The following CCSER2 variants were observed in gnomAD, a reference collection of about 807,000 sequenced individuals.
CCSER2 encodes serine-rich coiled-coil domain-containing protein 2.
A neutral mutation model predicts 92.3 loss-of-function variants in CCSER2; 46 were observed. That is an observed-to-expected ratio of 0.50 (90% CI 0.39 to 0.64). The LOEUF is 0.64. CCSER2 is among the 30% of genes least tolerant of loss of function. The pLI is 0.00. For synonymous variants in CCSER2, 433 were observed against 431.4 expected, an observed-to-expected ratio of 1.00 and a Z score of -0.04; for missense variants, 1,244 against 1,238.9, an observed-to-expected ratio of 1.00 and a Z score of -0.06.
intron 5 of CCSER2, among the ~76,000 whole-genome samples, chr10:84,430,866 C>T (rs4933324): frequency 0.13 from 19,280 of 152,186 alleles, 1,494 homozygotes; most frequent in Admixed American, 0.23. Flanking sequence ...GTTCTTAGTG[C>T]TTTAATGGAG....
At chr10:84,391,930 T>C (rs1841541586) in intron 3 of CCSER2, 1 of 1,325,676 alleles carries the variant, frequency 7.5e-7, no homozygotes, top group Admixed American at 1.8e-5. Flanking sequence ...CAGAGACACA[T>C]TCGGTGTAAG....
At chr10:84,440,096 A>C (rs1196034168) in intron 6 of CCSER2, among the ~76,000 whole-genome samples, 2 of 152,182 alleles carry the variant, frequency 1.3e-5, no homozygotes, top group African/African-American at 4.8e-5. Context: ...CTAATAATGA[A>C]AAAAGTAGCA....
At chr10:84,457,259 AATATAT>A (rs1564684332) in intron 6 of CCSER2, among the ~76,000 whole-genome samples, 2,112 of 55,096 alleles carry the variant, frequency 0.038, 104 homozygotes, top group African/African-American at 0.15. Context: ...TATTATATAA[AATATAT>A]TATATATAAT....
chr10:84,487,695 A>G (rs1847892303), intron 9 of CCSER2, among the ~76,000 whole-genome samples: 3 of 152,188 alleles, frequency 2.0e-5, no homozygotes, highest in South Asian at 4.1e-4. Context: ...AACAGGGACA[A>G]TTTGACTTCC....
At chr10:84,364,824 C>G (rs929618601) in intron 1 of CCSER2, among the ~76,000 whole-genome samples, 1 of 150,270 alleles carries the variant, frequency 6.7e-6, no homozygotes, top group Non-Finnish European at 1.5e-5. Context: ...TCACTGCAAC[C>G]TCTGCCTCCC....
intron 1 of CCSER2, among the ~76,000 whole-genome samples, chr10:84,347,403 G>C (rs984656007): frequency 6.6e-5 from 10 of 151,280 alleles, no homozygotes; most frequent in African/African-American, 2.2e-4. Flanking sequence ...GGCCGGGGAG[G>C]GGGGGTGCTG....
chr10:84,399,663 T>C (rs1469830622), intron 3 of CCSER2, among the ~76,000 whole-genome samples: 1 of 152,188 alleles, frequency 6.6e-6, no homozygotes, highest in Non-Finnish European at 1.5e-5. Flanking sequence ...TATTTAATTA[T>C]TATATCCCCT....
At chr10:84,487,418 G>A (rs559776102) in intron 9 of CCSER2, among the ~76,000 whole-genome samples, 5 of 152,134 alleles carry the variant, frequency 3.3e-5, no homozygotes, top group African/African-American at 7.2e-5. Context: ...CTTTTATTTC[G>A]TTGGGCAGTG....
intron 3 of CCSER2, among the ~76,000 whole-genome samples, chr10:84,403,433 T>C (rs980876661): frequency 1.3e-5 from 2 of 152,076 alleles, no homozygotes; most frequent in African/African-American, 4.8e-5. Flanking sequence ...AATTGACAAA[T>C]TGAACCTCAT....
rs1179362838 is a variant in CCSER2, at chr10:84,463,968, G to A, written c.2100G>A (p.Leu700=). The A allele has an allele frequency of 3.1e-6, 5 of 1,611,594 alleles. No individual in the cohort carries two copies. The highest frequency in any genetic ancestry group is 1.3e-5 in the African/African-American group (1 of 74,832). The change falls in exon 7 of 10, where the codon CTG becomes CTA. Residue 700 remains leucine, a synonymous_variant. Transcript: ENST00000372088. ...GTGGTTCATTGCATGATATTCAACT[G>A]TCATTGCCATCCAGTCCAGAACCAG... ...DGSGSLHDIQ[L]SLPSSPEPED... is the part of the protein sequence containing the mutation.
At chr10:84,362,617 A>G (rs913817183) in intron 1 of CCSER2, among the ~76,000 whole-genome samples, 39 of 152,238 alleles carry the variant, frequency 2.6e-4, no homozygotes, top group African/African-American at 7.7e-4. Flanking sequence ...TAACTTTTAC[A>G]AGTTACTTTG....
At chr10:84,491,384 C>T (rs1359525139) in intron 9 of CCSER2, among the ~76,000 whole-genome samples, 2 of 152,184 alleles carry the variant, frequency 1.3e-5, no homozygotes, top group Non-Finnish European at 2.9e-5. Flanking sequence ...GAGGTGGGCT[C>T]CACCCAGTTC....
At chr10:84,432,225 T>C (rs776077314) in intron 5 of CCSER2, among the ~76,000 whole-genome samples, 1 of 152,244 alleles carries the variant, frequency 6.6e-6, no homozygotes, top group South Asian at 2.1e-4. Flanking sequence ...TTCAGATCTT[T>C]GCTTATTTTT....
Position 84,489,481 on chromosome 10 carries a change from A to G in CCSER2, c.2325+11817A>G, listed in dbSNP as rs989113867. The stretch of plus-strand genomic sequence containing the variant: ...CTCTTCTTGTTGAATTGATCCCTTT[A>G]CCATTATGTAATGGCCTCCTTTGTC... On this transcript the variant is annotated intron_variant, in intron 9 of 9. Transcript: ENST00000372088. 2.0e-5 allele frequency among the ~76,000 whole-genome samples: 3 copies of G among 152,146 alleles called. No homozygotes were observed. In the South Asian group the frequency reaches 6.2e-4, roughly 32 times the overall value.
intron 5 of CCSER2, among the ~76,000 whole-genome samples, chr10:84,435,504 T>C (rs537533896): frequency 6.6e-6 from 1 of 152,168 alleles, no homozygotes; most frequent in African/African-American, 2.4e-5. Flanking sequence ...TTAATTTGAT[T>C]ATTAGCTATT....
intron 9 of CCSER2, chr10:84,499,858 C>G (rs1848630930): frequency 6.2e-7 from 1 of 1,613,306 alleles, no homozygotes; most frequent in African/African-American, 1.3e-5. Context: ...CTCCCTACCC[C>G]ATCTCTCTCT....
chr10:84,373,991 A>G (rs1208039655), intron 3 of CCSER2, 176 bp downstream of exon 3: 1 of 1,337,150 alleles, frequency 7.5e-7, no homozygotes, highest in African/African-American at 1.5e-5. Context: ...TAAAGCATGG[A>G]GAATATATGA....
intron 6 of CCSER2, among the ~76,000 whole-genome samples, chr10:84,463,695 G>A (rs893486763): frequency 2.6e-5 from 4 of 152,120 alleles, no homozygotes; most frequent in Non-Finnish European, 5.9e-5. Flanking sequence ...TATAGTATCC[G>A]TTATTTACTT....
intron 3 of CCSER2, among the ~76,000 whole-genome samples, chr10:84,407,329 CT>C (rs1017988782): frequency 6.6e-6 from 1 of 152,004 alleles, no homozygotes; most frequent in African/African-American, 2.4e-5. Context: ...GTTGACTTTC[CT>C]TTTTTTGTTT....
Sources: gnomAD v4.1 joint callset for allele counts (sites outside exome capture counted in the v4.1 genomes callset) on GRCh38, gnomAD v4.1.1 for gene constraint, MANE v1.5 for transcripts, NCBI Gene and HGNC (gene_info 2026-07-23, HGNC 2026-07-21) for gene names.